Variants in MTA3 observed in about 807,000 individuals in gnomAD.
MTA3 encodes metastasis-associated protein MTA3.
A neutral mutation model predicts 83.5 loss-of-function variants in MTA3; 34 were observed. The ratio of observed to expected loss-of-function variants is 0.41; its 90% CI spans 0.31 to 0.54. The LOEUF (loss-of-function observed/expected upper bound fraction) is 0.54, where lower values mean the gene tolerates loss of function less well. Among genes scored for constraint, MTA3 ranks in the 20% least tolerant of loss-of-function variants. The pLI is 0.33. For missense variants in MTA3, 761 were observed against 726.4 expected (o/e 1.05, Z -0.55); for synonymous variants, 303 against 252.7 (o/e 1.20, Z -1.89).
intron 7 of MTA3, among the ~76,000 whole-genome samples, chr2:42,657,819 C>T (rs1689305916): frequency 6.7e-6 from 1 of 150,206 alleles, no homozygotes; most frequent in African/African-American, 2.4e-5. Context: ...CCTGTAATCC[C>T]AGTGCTTTGG....
At chr2:42,536,820 C>T (rs986209789) in intron 2 of MTA3, among the ~76,000 whole-genome samples, 9 of 133,162 alleles carry the variant, frequency 6.8e-5, no homozygotes, top group African/African-American at 2.6e-4. Flanking sequence ...GATTGTGCCA[C>T]TGCACTCCAG....
chr2:42,674,925 T>TA (rs1469496314), intron 8 of MTA3, among the ~76,000 whole-genome samples: 1 of 151,352 alleles, frequency 6.6e-6, no homozygotes, highest in East Asian at 1.9e-4. Flanking sequence ...CTTTTTTTTT[T>TA]AATATAGGCA....
At chr2:42,653,251 C>G (rs988711634) in intron 6 of MTA3, among the ~76,000 whole-genome samples, 2 of 152,000 alleles carry the variant, frequency 1.3e-5, no homozygotes, top group East Asian at 1.9e-4. Context: ...TTTGATGATA[C>G]GGCACTTGAG....
At chr2:42,723,182 C>T in intron 16 of MTA3, 147 bp downstream of exon 16, 1 of 956,110 alleles carries the variant, frequency 1.0e-6, no homozygotes, top group Non-Finnish European at 1.5e-6. Context: ...GGGAATACAG[C>T]CATATGCCAC....
intron 3 of MTA3, among the ~76,000 whole-genome samples, chr2:42,606,366 G>T (rs868542429): frequency 6.9e-6 from 1 of 145,452 alleles, no homozygotes; most frequent in African/African-American, 2.6e-5. Flanking sequence ...GGGCGGAGGG[G>T]CTCCTCACTT....
Position 42,658,475 on chromosome 2 carries a change from C to G in MTA3, c.603-1288C>G, listed in dbSNP as rs572388170. Reference sequence around the variant, plus strand: ...CGTCGTACAACGGAATGTCGCGTAACAGGGAAAATGAGTGAATACAGCTGT... The same window carrying G: ...CGTCGTACAACGGAATGTCGCGTAAGAGGGAAAATGAGTGAATACAGCTGT... On this transcript the variant is annotated intron_variant, in intron 7 of 16. Transcript: ENST00000405094. Among the ~76,000 whole-genome samples, 45 of 152,254 alleles carry G rather than the reference C, an allele frequency of 3.0e-4. 1 individual carries two copies. The South Asian group carries it at 9.1e-3, about 31-fold the overall frequency.
chr2:42,502,195 T>A (rs1558400131), intron 2 of MTA3, among the ~76,000 whole-genome samples: 1 of 152,168 alleles, frequency 6.6e-6, no homozygotes, highest in Admixed American at 6.6e-5. Flanking sequence ...AAAGATTTCC[T>A]GATTTGCAAT....
At chr2:42,669,183 C>G (rs1295481012) in intron 8 of MTA3, among the ~76,000 whole-genome samples, 1 of 149,738 alleles carries the variant, frequency 6.7e-6, no homozygotes, top group Non-Finnish European at 1.5e-5. Context: ...CTTCTGGGTT[C>G]AAGCGATTCT....
chr2:42,658,456 A>G (rs1408347176), intron 7 of MTA3, among the ~76,000 whole-genome samples: 3 of 152,354 alleles, frequency 2.0e-5, no homozygotes, highest in Non-Finnish European at 4.4e-5. Context: ...GAGACGTCGT[A>G]CAACGGAATG....
At chr2:42,627,538 C>G (rs1686230218) in intron 4 of MTA3, among the ~76,000 whole-genome samples, 1 of 151,782 alleles carries the variant, frequency 6.6e-6, no homozygotes, top group Non-Finnish European at 1.5e-5. Flanking sequence ...CCCTCACATT[C>G]TCTTTATTAT....
chr2:42,714,795 G>A (rs978669768), intron 14 of MTA3, among the ~76,000 whole-genome samples: 3 of 152,184 alleles, frequency 2.0e-5, no homozygotes, highest in African/African-American at 7.2e-5. Context: ...AGGCTCATAA[G>A]GAGCAGGCAA....
chr2:42,703,974 A>T, intron 11 of MTA3: 1 of 447,840 alleles, frequency 2.2e-6, no homozygotes, highest in South Asian at 2.5e-5. Flanking sequence ...TACTTCGTGA[A>T]TGTCAGGCAT....
chr2:42,610,618 T>A (rs879715291), intron 4 of MTA3, among the ~76,000 whole-genome samples: 2 of 152,224 alleles, frequency 1.3e-5, no homozygotes, highest in African/African-American at 2.4e-5. Context: ...AAGATATTGT[T>A]GAGCTTTTTT....
rs1573871160 is a variant in MTA3, at chr2:42,756,627, G to A, written c.*3228G>A. On this transcript the variant is annotated 3_prime_UTR_variant, in exon 17 of 17. Coordinates refer to ENST00000405094, the MANE Select transcript of MTA3 (RefSeq NM_001330442.2). ...CTGCCTAGAGAGGAAACGGCTTTGG[G>A]GAGGGAGGGGGAAGCCTTTATTCTT... is the stretch of plus-strand genomic sequence containing the variant. 2.0e-6 allele frequency: 2 copies of A among 985,546 alleles called. No individual in the cohort carries two copies. The highest frequency in any genetic ancestry group is 2.4e-6 in the Non-Finnish European group (2 of 829,990). The allele number at this position is 985,546 out of a possible 1,614,324, so 61.1% of individuals were successfully genotyped here.
At chr2:42,674,593 C>G (rs933370012) in intron 8 of MTA3, among the ~76,000 whole-genome samples, 2 of 77,650 alleles carry the variant, frequency 2.6e-5, no homozygotes, top group African/African-American at 1.0e-4. Flanking sequence ...TAGTTTTCTT[C>G]TTCTTTTTTT....
chr2:42,622,251 C>A (rs1027962042), intron 4 of MTA3, among the ~76,000 whole-genome samples: 1 of 151,980 alleles, frequency 6.6e-6, no homozygotes, highest in East Asian at 1.9e-4. Flanking sequence ...AAAAAAAATA[C>A]GAAAACCAGT....
At chr2:42,603,227 T>C (rs1342007451) in intron 3 of MTA3, among the ~76,000 whole-genome samples, 1 of 151,876 alleles carries the variant, frequency 6.6e-6, no homozygotes, top group Non-Finnish European at 1.5e-5. Context: ...TTTACCCTAA[T>C]GGTGGTTGGT....
At chr2:42,587,285 C>T (rs1364446605) in intron 3 of MTA3, among the ~76,000 whole-genome samples, 1 of 152,038 alleles carries the variant, frequency 6.6e-6, no homozygotes, top group Non-Finnish European at 1.5e-5. Flanking sequence ...GCACTCCAGC[C>T]CGTGTGACAG....
At chr2:42,498,040 T>G (rs1359821281) in intron 2 of MTA3, among the ~76,000 whole-genome samples, 5 of 152,216 alleles carry the variant, frequency 3.3e-5, no homozygotes, top group Non-Finnish European at 7.3e-5. Flanking sequence ...CTGGATGTGT[T>G]CGAGGACTCC....
Sources: gnomAD v4.1 joint callset for allele counts (sites outside exome capture counted in the v4.1 genomes callset) on GRCh38, gnomAD v4.1.1 for gene constraint, MANE v1.5 for transcripts, NCBI Gene and HGNC (gene_info 2026-07-23, HGNC 2026-07-21) for gene names.